Variants in PPM1H observed in about 807,000 individuals in gnomAD.
PPM1H encodes protein phosphatase, Mg2+/Mn2+ dependent 1H.
In PPM1H, 27 loss-of-function variants were observed where a neutral mutation model predicts 54.9. The ratio of observed to expected loss-of-function variants is 0.49; its 90% CI spans 0.36 to 0.68. The LOEUF (loss-of-function observed/expected upper bound fraction) is 0.68, where lower values mean the gene tolerates loss of function less well. Ranked by LOEUF, PPM1H falls within the 30% of genes least tolerant of loss-of-function variation. The probability of loss-of-function intolerance (pLI) is 0.00; values close to 1 mark genes in which losing one functional copy is unlikely to be tolerated. For synonymous variants in PPM1H, 305 were observed against 270.8 expected, an observed-to-expected ratio of 1.13 and a Z score of -1.24; for missense variants, 596 against 667.8, an observed-to-expected ratio of 0.89 and a Z score of 1.19.
intron 6 of PPM1H, among the ~76,000 whole-genome samples, chr12:62,709,145 T>C (rs1295792162): frequency 1.3e-5 from 2 of 152,194 alleles, no homozygotes; most frequent in African/African-American, 4.8e-5. Context: ...ATGTCACTTA[T>C]GTGAGCCTCC....
intron 1 of PPM1H, among the ~76,000 whole-genome samples, chr12:62,903,856 C>T (rs1336569480): frequency 1.3e-5 from 2 of 152,136 alleles, no homozygotes; most frequent in African/African-American, 4.8e-5. Flanking sequence ...TAGAAGAGAA[C>T]TGAGAAATAG....
At chr12:62,841,006 T>G (rs1209023331) in intron 1 of PPM1H, among the ~76,000 whole-genome samples, 1 of 149,976 alleles carries the variant, frequency 6.7e-6, no homozygotes, top group East Asian at 2.0e-4. Context: ...AACCGAGAAG[T>G]CCCATGAAAC....
At chr12:62,743,128 A>T (rs916923896) in intron 4 of PPM1H, among the ~76,000 whole-genome samples, 1 of 152,148 alleles carries the variant, frequency 6.6e-6, no homozygotes, top group African/African-American at 2.4e-5. Context: ...AGGGGGATGG[A>T]TCACTTGAGA....
intron 9 of PPM1H, among the ~76,000 whole-genome samples, chr12:62,666,741 G>T (rs1379125479): frequency 6.6e-6 from 1 of 151,458 alleles, no homozygotes; most frequent in East Asian, 2.0e-4. Context: ...TGTGACAGAG[G>T]GTCGCTCTGT....
intron 2 of PPM1H, among the ~76,000 whole-genome samples, chr12:62,809,403 T>C (rs1047335804): frequency 6.6e-6 from 1 of 152,160 alleles, no homozygotes; most frequent in African/African-American, 2.4e-5. Flanking sequence ...TACCTGGTTC[T>C]CCTCAAAATG....
chr12:62,707,459 T>C (rs1284837776), intron 6 of PPM1H, among the ~76,000 whole-genome samples: 2 of 152,204 alleles, frequency 1.3e-5, no homozygotes, highest in African/African-American at 4.8e-5. Flanking sequence ...CAGCCCAGGC[T>C]GCCCAGCGCT....
chr12:62,804,722 C>A lies in PPM1H; in HGVS notation c.412-2562G>T, dbSNP rs1164821600. ...ACGGAGTCTCGCTCTGTCGCCCAGGCTGGAGTGCAGTGGCGGGATCTCGGC... is the reference window on the plus strand; with the variant it reads ...ACGGAGTCTCGCTCTGTCGCCCAGGATGGAGTGCAGTGGCGGGATCTCGGC... On this transcript the variant is annotated intron_variant, in intron 2 of 9. Transcript: ENST00000228705. Among the ~76,000 whole-genome samples, 5 of 136,218 alleles carry A rather than the reference C, an allele frequency of 3.7e-5. No individual in the cohort carries two copies. The East Asian group carries it at 1.0e-3, about 28-fold the overall frequency. The allele number at this position is 136,218 out of a possible 152,430, so 89.4% of individuals were successfully genotyped here. A position where few individuals can be genotyped will look rare whatever the true frequency, so the allele number is the denominator to read the frequency against.
intron 1 of PPM1H, among the ~76,000 whole-genome samples, chr12:62,889,179 T>G (rs920063560): frequency 1.3e-5 from 2 of 152,184 alleles, no homozygotes; most frequent in African/African-American, 4.8e-5. Flanking sequence ...AATATTGTCA[T>G]GATATCAGAT....
intron 5 of PPM1H, among the ~76,000 whole-genome samples, chr12:62,734,970 G>C (rs1340555860): frequency 6.6e-6 from 1 of 152,156 alleles, no homozygotes; most frequent in East Asian, 1.9e-4. Context: ...GTTGGGCCTA[G>C]GAGGTTGAGG....
At chr12:62,852,373 A>T (rs976012530) in intron 1 of PPM1H, among the ~76,000 whole-genome samples, 3 of 152,070 alleles carry the variant, frequency 2.0e-5, no homozygotes, top group Non-Finnish European at 4.4e-5. Context: ...GTGAGGCTAC[A>T]AGAAGGTGGC....
intron 1 of PPM1H, among the ~76,000 whole-genome samples, chr12:62,923,908 C>A (rs1470269405): frequency 6.6e-6 from 1 of 151,268 alleles, no homozygotes; most frequent in East Asian, 2.0e-4. Flanking sequence ...TTTTATGAGT[C>A]CATGAAAATT....
chr12:62,902,891 G>A (rs2121119316), intron 1 of PPM1H, among the ~76,000 whole-genome samples: 1 of 152,284 alleles, frequency 6.6e-6, no homozygotes, highest in Non-Finnish European at 1.5e-5. Context: ...TCCAGCCACA[G>A]TTTAGGCAAT....
intron 2 of PPM1H, among the ~76,000 whole-genome samples, chr12:62,825,765 G>C (rs1868283803): frequency 6.6e-6 from 1 of 152,010 alleles, no homozygotes; most frequent in Non-Finnish European, 1.5e-5. Flanking sequence ...GATAGCATTA[G>C]GAGAAATACC....
intron 6 of PPM1H, among the ~76,000 whole-genome samples, chr12:62,701,257 C>T (rs2076142312): frequency 6.6e-6 from 1 of 152,236 alleles, no homozygotes; most frequent in Non-Finnish European, 1.5e-5. Context: ...CTGATGCTCA[C>T]TCACAAGCAC....
intron 4 of PPM1H, among the ~76,000 whole-genome samples, chr12:62,760,379 CT>C (rs1413993325): frequency 2.0e-5 from 3 of 152,140 alleles, no homozygotes; most frequent in Non-Finnish European, 4.4e-5. Flanking sequence ...TCCCTTTCTA[CT>C]AACCCATCTG....
intron 5 of PPM1H, among the ~76,000 whole-genome samples, chr12:62,723,436 A>G (rs76523976): frequency 2.6e-5 from 4 of 152,090 alleles, no homozygotes; most frequent in Non-Finnish European, 5.9e-5. Flanking sequence ...CCTAAAATTC[A>G]TGTGTTGGCA....
At chr12:62,884,540 GA>G (rs148196052) in intron 1 of PPM1H, among the ~76,000 whole-genome samples, 1 of 144,250 alleles carries the variant, frequency 6.9e-6, no homozygotes, top group African/African-American at 2.6e-5. Flanking sequence ...AGAGAGAAAA[GA>G]AAAAAAAGAA....
intron 6 of PPM1H, among the ~76,000 whole-genome samples, chr12:62,717,998 T>C (rs1263771582): frequency 1.3e-5 from 2 of 152,256 alleles, no homozygotes; most frequent in African/African-American, 2.4e-5. Flanking sequence ...CTTTCTGGCA[T>C]AGAAAGAACA....
chr12:62,771,088 A>ACACACACACACACAC (rs2076576823), intron 4 of PPM1H, among the ~76,000 whole-genome samples: 1 of 132,948 alleles, frequency 7.5e-6, no homozygotes, highest in Non-Finnish European at 1.6e-5. Context: ...ACACACACAC[A>ACACACACACACACAC]ACTGTGTTTT....
Sources: gnomAD v4.1 joint callset for allele counts (sites outside exome capture counted in the v4.1 genomes callset) on GRCh38, gnomAD v4.1.1 for gene constraint, MANE v1.5 for transcripts, NCBI Gene and HGNC (gene_info 2026-07-23, HGNC 2026-07-21) for gene names.